FAF1: variants seen among roughly 807,000 people sequenced by gnomAD.
FAF1 encodes the protein Fas associated factor 1.
In FAF1, 25 loss-of-function variants were observed where a neutral mutation model predicts 92.5. The ratio of observed to expected loss-of-function variants is 0.27; its 90% CI spans 0.20 to 0.38. FAF1 has a LOEUF of 0.38. Among genes scored for constraint, FAF1 ranks in the 10% least tolerant of loss-of-function variants. The pLI is 1.00. For missense variants in FAF1, 636 were observed against 793.3 expected, an observed-to-expected ratio of 0.80 and a Z score of 2.38; for synonymous variants, 234 against 273.2, an observed-to-expected ratio of 0.86 and a Z score of 1.42.
intron 13 of FAF1, among the ~76,000 whole-genome samples, chr1:50,563,956 A>G (rs1338957517): frequency 3.3e-5 from 5 of 152,184 alleles, no homozygotes; most frequent in African/African-American, 1.2e-4. Context: ...TTCTATAGAA[A>G]TGTTTCTTTT....
At chr1:50,507,516 G>C (rs905246650) in intron 15 of FAF1, among the ~76,000 whole-genome samples, 1 of 152,082 alleles carries the variant, frequency 6.6e-6, no homozygotes, top group Admixed American at 6.6e-5. Flanking sequence ...AAAGTCGGAG[G>C]ATTCCTTGAG....
intron 2 of FAF1, among the ~76,000 whole-genome samples, chr1:50,822,095 C>G (rs1644048472): frequency 6.6e-6 from 1 of 151,252 alleles, no homozygotes; most frequent in African/African-American, 2.4e-5. Context: ...TAGATCAGAT[C>G]CTAACAGCCA....
intron 2 of FAF1, among the ~76,000 whole-genome samples, chr1:50,812,289 A>G (rs1643923117): frequency 6.6e-6 from 1 of 152,180 alleles, no homozygotes. Flanking sequence ...GGGAGAAAAT[A>G]TTTGCAACCT....
intron 8 of FAF1, among the ~76,000 whole-genome samples, chr1:50,611,279 A>G (rs1466630158): frequency 6.6e-6 from 1 of 152,220 alleles, no homozygotes; most frequent in Non-Finnish European, 1.5e-5. Flanking sequence ...TTTTCTTCTA[A>G]TATTTGCTTT....
At chr1:50,806,981 C>T (rs1662231511) in intron 2 of FAF1, among the ~76,000 whole-genome samples, 1 of 152,168 alleles carries the variant, frequency 6.6e-6, no homozygotes, top group Non-Finnish European at 1.5e-5. Flanking sequence ...CTCAAAAAAG[C>T]ACAGTGTCTT....
chr1:50,894,495 C>T (rs1357711320), intron 1 of FAF1, among the ~76,000 whole-genome samples: 1 of 151,896 alleles, frequency 6.6e-6, no homozygotes, highest in East Asian at 1.9e-4. Context: ...TGGTGCTCTA[C>T]CCCTGTGGCC....
chr1:50,806,882 A>C (rs530289876), intron 2 of FAF1, among the ~76,000 whole-genome samples: 2 of 152,166 alleles, frequency 1.3e-5, no homozygotes, highest in African/African-American at 4.8e-5. Flanking sequence ...CAAACAAACA[A>C]ACACATTCAA....
chr1:50,470,697 C>A (rs1646560844), intron 18 of FAF1: 1 of 152,170 alleles, frequency 6.6e-6, no homozygotes, highest in East Asian at 1.9e-4. Context: ...TAACGCTTAC[C>A]ACAACCCTGT....
intron 3 of FAF1, among the ~76,000 whole-genome samples, chr1:50,789,735 C>T (rs1324723809): frequency 6.9e-6 from 1 of 145,672 alleles, no homozygotes; most frequent in East Asian, 2.0e-4. Flanking sequence ...TTCTCTTTCT[C>T]AACCCTACTC....
chr1:50,641,540 T>C (rs1654327203), intron 8 of FAF1, among the ~76,000 whole-genome samples: 1 of 152,224 alleles, frequency 6.6e-6, no homozygotes, highest in Admixed American at 6.5e-5. Flanking sequence ...TGGTTAGTGA[T>C]AATATTAATT....
intron 12 of FAF1, 43 bp downstream of exon 12, chr1:50,582,575 G>A: frequency 7.9e-7 from 1 of 1,263,406 alleles, no homozygotes; most frequent in South Asian, 1.2e-5. Context: ...TGGTAAACCT[G>A]TGGGATGCAC....
chr1:50,443,241 G>A (rs1366873953), intron 18 of FAF1, among the ~76,000 whole-genome samples: 1 of 152,196 alleles, frequency 6.6e-6, no homozygotes, highest in African/African-American at 2.4e-5. Flanking sequence ...AGCAAAAGAG[G>A]ATGGGAGGCT....
rs527332282 is a variant in FAF1 at position 50,646,396 on chromosome 1, C to CA, written c.744+9045dup. ...ATAAATGATTCTCAAAATGTTTATCCAATTACTATACTCATACAAATCGAT... is the reference window on the plus strand; with the variant it reads ...ATAAATGATTCTCAAAATGTTTATCCAAATTACTATACTCATACAAATCGAT... On this transcript the variant is annotated intron_variant, in intron 8 of 18. Transcript: ENST00000396153. Among the ~76,000 whole-genome samples the CA allele has an allele frequency of 1.8e-4, 28 of 152,200 alleles. No individual in the cohort carries two copies. In the South Asian group the frequency reaches 4.6e-3, roughly 25 times the overall value.
intron 2 of FAF1, among the ~76,000 whole-genome samples, chr1:50,844,647 G>A (rs1329043976): frequency 6.6e-6 from 1 of 151,412 alleles, no homozygotes; most frequent in African/African-American, 2.4e-5. Context: ...ACTGATTCGG[G>A]AAAAATGAAT....
chr1:50,553,281 T>G lies in FAF1; in HGVS notation c.1269-13553A>C, dbSNP rs1649399576. Among the ~76,000 whole-genome samples, 4 of 152,194 alleles carry G rather than the reference T, an allele frequency of 2.6e-5. No individual in the cohort carries two copies. The South Asian group carries it at 8.3e-4, about 32-fold the overall frequency. ...AAAATATATGAGGCAATATAGTTTC[T>G]ATTAGTGACCCCATCTAAATGTGGT... On this transcript the variant is annotated intron_variant, in intron 13 of 18. Coordinates refer to ENST00000396153, the MANE Select transcript of FAF1 (RefSeq NM_007051.3).
chr1:50,793,626 G>A (rs1477793239), intron 3 of FAF1, among the ~76,000 whole-genome samples: 6 of 152,298 alleles, frequency 3.9e-5, no homozygotes, highest in African/African-American at 7.2e-5. Context: ...TCTTGCATAC[G>A]TGTTTTATTT....
chr1:50,802,562 G>A (rs917710598), intron 2 of FAF1, among the ~76,000 whole-genome samples: 1 of 152,144 alleles, frequency 6.6e-6, no homozygotes, highest in Non-Finnish European at 1.5e-5. Flanking sequence ...AAGTTACCAA[G>A]TAGTCAGAAC....
intron 8 of FAF1, among the ~76,000 whole-genome samples, chr1:50,616,759 C>T (rs1176857489): frequency 5.9e-5 from 9 of 151,662 alleles, no homozygotes; most frequent in Non-Finnish European, 1.2e-4. Flanking sequence ...TGGCTCACTG[C>T]AACCTCCACC....
At position 50,887,498 on chromosome 1, in the gene FAF1, T is replaced by C. The variant is rs573299301; in HGVS notation, c.46-29501A>G. Among the ~76,000 whole-genome samples, 11 of 152,364 alleles carry C rather than the reference T, an allele frequency of 7.2e-5. No individual in the cohort carries two copies. The South Asian group carries it at 2.3e-3, about 32-fold the overall frequency. On this transcript the variant is annotated intron_variant, in intron 1 of 18. Coordinates refer to ENST00000396153, the MANE Select transcript of FAF1 (RefSeq NM_007051.3). The stretch of plus-strand genomic sequence containing the variant: ...TTGCCTACATTTTCTTCTAGGGTTT[T>C]TATGGTTTTAGGTCTAATAATTAAG...
Sources: gnomAD v4.1 joint callset for allele counts (sites outside exome capture counted in the v4.1 genomes callset) on GRCh38, gnomAD v4.1.1 for gene constraint, MANE v1.5 for transcripts, NCBI Gene and HGNC (gene_info 2026-07-23, HGNC 2026-07-21) for gene names.